Variants in B4GALNT3 observed in about 807,000 individuals in gnomAD.
B4GALNT3 encodes the protein beta-1,4-N-acetyl-galactosaminyltransferase 3, also known as beta-1,4-N-acetylgalactosaminyltransferase 3.
A neutral mutation model predicts 120.2 loss-of-function variants in B4GALNT3; 86 were observed. That is an observed-to-expected ratio of 0.72 (90% CI 0.60 to 0.86). The LOEUF is 0.86. Ranked by LOEUF, B4GALNT3 falls within the 40% of genes least tolerant of loss-of-function variation. B4GALNT3 has a pLI of 0.00. For synonymous variants in B4GALNT3, 518 were observed against 510.4 expected, an observed-to-expected ratio of 1.01 and a Z score of -0.20; for missense variants, 1,167 against 1,298.9, an observed-to-expected ratio of 0.90 and a Z score of 1.56.
chr12:550,442 T>C lies in B4GALNT3; in HGVS notation c.998-480T>C, dbSNP rs1049165488. The stretch of plus-strand genomic sequence containing the variant: ...AGGTTGAGGCTGCAGTGAGCTGTGA[T>C]TGAACCACTGCACTCCAGCCTGGGT... On this transcript the variant is annotated intron_variant, in intron 10 of 19. Transcript: ENST00000266383. This position sits in a 1 kb window ranked among gnomAD's most constrained non-coding sequence, Gnocchi z 4.1. Among the ~76,000 whole-genome samples, 4 of 152,074 alleles carry C rather than the reference T, an allele frequency of 2.6e-5. No homozygotes were observed. Among genetic ancestry groups the C allele is most frequent in the Non-Finnish European group, 5.9e-5 (4 of 68,010 alleles).
chr12:546,239 G>C (rs1295189195), intron 6 of B4GALNT3, among the ~76,000 whole-genome samples: 6 of 114,454 alleles, frequency 5.2e-5, no homozygotes, highest in African/African-American at 1.9e-4. Flanking sequence ...GGGGAGTGGG[G>C]AGGTGGGGAG....
intron 1 of B4GALNT3, among the ~76,000 whole-genome samples, chr12:502,831 T>C (rs1022237143): frequency 1.3e-5 from 2 of 152,228 alleles, no homozygotes; most frequent in African/African-American, 2.4e-5. Context: ...CATAGCTCAC[T>C]GCAGCCTTAA....
chr12:522,084 G>A (rs546048175), intron 1 of B4GALNT3, among the ~76,000 whole-genome samples: 2 of 151,728 alleles, frequency 1.3e-5, no homozygotes, highest in Non-Finnish European at 2.9e-5. Flanking sequence ...CATCAAACAT[G>A]AGCTTTGCCA....
rs201713327 is a variant in B4GALNT3 at position 504,312 on chromosome 12, CAA to C, written c.170-30841_170-30840del. Among the ~76,000 whole-genome samples, 93 of 111,714 alleles carry C rather than the reference CAA, an allele frequency of 8.3e-4. No homozygotes were observed. In the East Asian group the frequency reaches 0.021, roughly 25 times the overall value. The allele number at this position is 111,714 out of a possible 152,430, so 73.3% of individuals were successfully genotyped here. A position where few individuals can be genotyped will look rare whatever the true frequency, so the allele number is the denominator to read the frequency against. Reference sequence around the variant, plus strand: ...AAACAAAAACAAAAACACAATTTTTCAAAAAAAAAAAAAAGAAAATGAAATCC... The same window carrying C: ...AAACAAAAACAAAAACACAATTTTTCAAAAAAAAAAAAGAAAATGAAATCC... On this transcript the variant is annotated intron_variant, in intron 1 of 19. Coordinates refer to ENST00000266383, the MANE Select transcript of B4GALNT3 (RefSeq NM_173593.4).
intron 1 of B4GALNT3, among the ~76,000 whole-genome samples, chr12:500,613 A>T (rs1395072507): frequency 3.3e-5 from 5 of 152,046 alleles, no homozygotes; most frequent in Non-Finnish European, 7.4e-5. Flanking sequence ...ATGCTGAAAT[A>T]CTGAAATATT....
intron 1 of B4GALNT3, 80 bp from the exon 2 acceptor site, chr12:535,086 C>A: frequency 8.2e-7 from 1 of 1,215,880 alleles, no homozygotes; most frequent in Non-Finnish European, 1.2e-6. Context: ...CGGTTCCCTC[C>A]ATTAACCTCC....
intron 1 of B4GALNT3, among the ~76,000 whole-genome samples, chr12:487,584 A>G (rs2120493902): frequency 6.6e-6 from 1 of 152,136 alleles, no homozygotes; most frequent in African/African-American, 2.4e-5. Flanking sequence ...GTAGTGGCGC[A>G]TGCCTGTAGT....
intron 1 of B4GALNT3, among the ~76,000 whole-genome samples, chr12:484,029 C>T (rs1946266382): frequency 6.6e-6 from 1 of 152,186 alleles, no homozygotes; most frequent in African/African-American, 2.4e-5. Flanking sequence ...CTTGCTGCTC[C>T]TTCTTGTCCA....
At chr12:483,761 C>T (rs924918273) in intron 1 of B4GALNT3, among the ~76,000 whole-genome samples, 3 of 152,212 alleles carry the variant, frequency 2.0e-5, no homozygotes, top group East Asian at 1.9e-4. Flanking sequence ...ATCCTCACAA[C>T]GGACACTTTC....
chr12:489,128 A>G (rs1159256453), intron 1 of B4GALNT3, among the ~76,000 whole-genome samples: 1 of 131,934 alleles, frequency 7.6e-6, no homozygotes, highest in African/African-American at 2.8e-5. Context: ...ACACATGGAC[A>G]CAGGGAGGGG....
intron 1 of B4GALNT3, among the ~76,000 whole-genome samples, chr12:512,246 CCTTCTTCCACCTT>C (rs1946587174): frequency 1.7e-5 from 1 of 59,696 alleles, no homozygotes; most frequent in East Asian, 5.8e-4. Flanking sequence ...CCACCTTCCA[CCTTCTTCCACCTT>C]CTTCCACCTT....
In B4GALNT3 at chr12:561,746, TGACTGAGCG is replaced by T; in HGVS notation, c.*296_*304del. On this transcript the variant is annotated 3_prime_UTR_variant, in exon 20 of 20. Transcript: ENST00000266383. ...AAGGACGGGTCAGGAAGGAGAGATC[TGACTGAGCG>T]ACACCATCCTCATCCATGAAGGTGC... 5.9e-6 allele frequency: 2 copies of T among 337,352 alleles called. No individual in the cohort carries two copies. Among genetic ancestry groups the T allele is most frequent in the Admixed American group, 4.6e-5 (1 of 21,624 alleles). The allele number at this position is 337,352 out of a possible 1,614,324, so 20.9% of individuals were successfully genotyped here.
intron 1 of B4GALNT3, among the ~76,000 whole-genome samples, chr12:522,983 T>A (rs1946726560): frequency 6.6e-6 from 1 of 151,034 alleles, no homozygotes; most frequent in Non-Finnish European, 1.5e-5. Context: ...TGGTAACTTT[T>A]ATGTTATAGG....
chr12:470,105 C>G (rs57809814), intron 1 of B4GALNT3, among the ~76,000 whole-genome samples: 11,959 of 152,196 alleles, frequency 0.079, 999 homozygotes, highest in East Asian at 0.3. Context: ...TGCTTCCTTG[C>G]AGGAGTAGAT....
chr12:530,112 A>G (rs1468846067), intron 1 of B4GALNT3, among the ~76,000 whole-genome samples: 1 of 151,262 alleles, frequency 6.6e-6, no homozygotes, highest in Non-Finnish European at 1.5e-5. Context: ...TATTGCCATT[A>G]TTACAACTAC....
chr12:508,240 C>T (rs1946516554), intron 1 of B4GALNT3, among the ~76,000 whole-genome samples: 1 of 152,194 alleles, frequency 6.6e-6, no homozygotes, highest in Non-Finnish European at 1.5e-5. Flanking sequence ...GTCTCTGTTA[C>T]CTCAGAAGGT....
At chr12:462,983 C>T (rs1168937415) in intron 1 of B4GALNT3, among the ~76,000 whole-genome samples, 8 of 152,128 alleles carry the variant, frequency 5.3e-5, no homozygotes, top group East Asian at 1.9e-4. Context: ...TCTTGGATAC[C>T]AACAGGAACC....
chr12:543,279 A>C, intron 3 of B4GALNT3: 1 of 1,140,636 alleles, frequency 8.8e-7, no homozygotes. Flanking sequence ...TGAGAGGAGC[A>C]CCGGCCCCTT....
At chr12:461,856 A>G (rs953402140) in intron 1 of B4GALNT3, among the ~76,000 whole-genome samples, 1 of 152,220 alleles carries the variant, frequency 6.6e-6, no homozygotes, top group Non-Finnish European at 1.5e-5. Flanking sequence ...CTCTGCCACT[A>G]ACTAGCGGGG....
Sources: allele counts gnomAD v4.1 joint callset (sites outside exome capture counted in the v4.1 genomes callset), GRCh38; gene constraint gnomAD v4.1.1; non-coding constraint Gnocchi (gnomAD v3.1); transcripts MANE v1.5; gene names NCBI Gene and HGNC (gene_info 2026-07-23, HGNC 2026-07-21).